The following PCSK5 variants were observed in gnomAD, a reference collection of about 807,000 sequenced individuals.
PCSK5 encodes prohormone convertase 5.
PCSK5 carries 129 observed loss-of-function variants against 233.2 expected under a neutral mutation model. The ratio of observed to expected loss-of-function variants is 0.55; its 90% confidence interval spans 0.48 to 0.64. The LOEUF (loss-of-function observed/expected upper bound fraction) is 0.64, where lower values mean the gene tolerates loss of function less well. Among genes scored for constraint, PCSK5 ranks in the 30% least tolerant of loss-of-function variants. The pLI is 0.00. For missense variants in PCSK5, 2,076 were observed against 2,430.1 expected (o/e 0.85, Z 3.06); for synonymous variants, 825 against 879.2 (o/e 0.94, Z 1.09).
Position 76,010,736 on chromosome 9 carries a change from G to A in PCSK5, c.412-13002G>A, listed in dbSNP as rs568065670. On this transcript the variant is annotated intron_variant, in intron 3 of 37. Coordinates refer to ENST00000674117, the MANE Select transcript of PCSK5 (RefSeq NM_001372043.1). ...TGTTTATGTTAGTTACCCATGAAGA[G>A]CTTACTAATTAGATAGAAAAGACAA... Among the ~76,000 whole-genome samples, 8 of 152,294 alleles carry A rather than the reference G, an allele frequency of 5.3e-5. No individual in the cohort carries two copies. In the South Asian group the frequency reaches 1.7e-3, roughly 32 times the overall value.
rs746839814 is a variant in PCSK5 at position 76,354,062 on chromosome 9, C to G, written c.5097C>G (p.His1699Gln). 1.2e-6 allele frequency: 2 copies of G among 1,609,680 alleles called. No homozygotes were observed. Among genetic ancestry groups the G allele is most frequent in the Admixed American group, 1.7e-5 (1 of 59,542 alleles). The change falls in exon 37 of 38, where the codon CAC becomes CAG. Residue 1699 changes from histidine to glutamine, a missense_variant. Physicochemically the swap from His to Gln is conservative, Grantham distance 24. Around this residue, in one of 6 missense-constraint regions of PCSK5, gnomAD observed 1,510 missense variants for 1,538.1 expected, o/e 0.98. Transcript: ENST00000674117. The stretch of plus-strand genomic sequence containing the variant: ...AGAAGTTTAACTGTGAAAAATGCCA[C>G]GAGAGCTGCATGGAATGCAAGGGAC... Reference protein sequence around the residue: ...EGEKFNCEKCHESCMECKGPG... With the variant: ...EGEKFNCEKCQESCMECKGPG...
At chr9:76,257,372 G>A (rs886798856) in intron 24 of PCSK5, among the ~76,000 whole-genome samples, 3 of 152,184 alleles carry the variant, frequency 2.0e-5, no homozygotes, top group Non-Finnish European at 4.4e-5. Context: ...TAAGACAGGA[G>A]CATCTGCATG....
chr9:76,271,856 T>C (rs1035339526), intron 24 of PCSK5, among the ~76,000 whole-genome samples: 2 of 152,134 alleles, frequency 1.3e-5, no homozygotes, highest in African/African-American at 4.8e-5. Flanking sequence ...GCATTCTTTA[T>C]CTTGCAGCTG....
chr9:76,327,319 C>G (rs1475317319), intron 32 of PCSK5, among the ~76,000 whole-genome samples: 2 of 152,010 alleles, frequency 1.3e-5, no homozygotes, highest in Non-Finnish European at 2.9e-5. Flanking sequence ...GTTGCTCAGG[C>G]TGGTCTCGAA....
chr9:76,053,299 C>T (rs185400732), intron 5 of PCSK5, among the ~76,000 whole-genome samples: 23 of 152,330 alleles, frequency 1.5e-4, no homozygotes, highest in Admixed American at 9.1e-4. Flanking sequence ...AGGGTTCCCC[C>T]GCTGCAGCAA....
At chr9:76,160,381 G>A (rs1299158711) in intron 12 of PCSK5, among the ~76,000 whole-genome samples, 5 of 152,162 alleles carry the variant, frequency 3.3e-5, no homozygotes, top group Admixed American at 6.5e-5. Flanking sequence ...TGTGATCCTC[G>A]TTCTCATGGT....
At chr9:75,907,614 TC>T (rs1826314984) in intron 1 of PCSK5, among the ~76,000 whole-genome samples, 1 of 152,158 alleles carries the variant, frequency 6.6e-6, no homozygotes, top group Non-Finnish European at 1.5e-5. Context: ...CAGCACGCAC[TC>T]CGAGAGGCAA....
At chr9:76,169,631 G>A (rs1438514635) in intron 12 of PCSK5, 73 bp from the exon 13 acceptor site, 5 of 1,455,746 alleles carry the variant, frequency 3.4e-6, no homozygotes, top group Middle Eastern at 1.8e-4. Flanking sequence ...AAAAAACAGT[G>A]TCGATTGTGG....
intron 1 of PCSK5, among the ~76,000 whole-genome samples, chr9:75,904,698 T>A (rs1826186174): frequency 6.6e-6 from 1 of 152,218 alleles, no homozygotes; most frequent in South Asian, 2.1e-4. Context: ...AATGTGCTAA[T>A]GGGAATGTAA....
rs1197729396 is a variant in PCSK5, at chr9:76,238,877, A to T, written c.2867-82A>T. 2.9e-6 allele frequency: 3 copies of T among 1,044,594 alleles called. No individual in the cohort carries two copies. The African/African-American group carries it at 4.8e-5, about 17-fold the overall frequency. The allele number at this position is 1,044,594 out of a possible 1,614,324, so 64.7% of individuals were successfully genotyped here. ...AAAAGCACTCAGTCGCATCTTTTTA[A>T]AATATAATATCTTACATTATAATAG... On this transcript the variant is annotated intron_variant, in intron 22 of 37. Transcript: ENST00000674117.
At chr9:76,263,268 G>C (rs1193614333) in intron 24 of PCSK5, among the ~76,000 whole-genome samples, 1 of 152,116 alleles carries the variant, frequency 6.6e-6, no homozygotes, top group Non-Finnish European at 1.5e-5. Flanking sequence ...CTCAGCCATC[G>C]CATTACTGGG....
intron 3 of PCSK5, among the ~76,000 whole-genome samples, chr9:76,009,277 G>T (rs1827617752): frequency 6.6e-6 from 1 of 151,928 alleles, no homozygotes; most frequent in Admixed American, 6.6e-5. Context: ...CTCAATTTCA[G>T]TTGGACTAAA....
At chr9:76,077,398 G>T (rs1830679264) in intron 7 of PCSK5, among the ~76,000 whole-genome samples, 1 of 152,142 alleles carries the variant, frequency 6.6e-6, no homozygotes, top group Non-Finnish European at 1.5e-5. Flanking sequence ...AACAAGAGGA[G>T]ACTCCTTCTT....
In PCSK5 at chr9:76,321,445, T is replaced by C; in HGVS notation, c.3908T>C (p.Ile1303Thr). The C allele has an allele frequency of 6.2e-7, 1 of 1,604,320 alleles. No homozygotes were observed. ...CPEGSYAEDG[I>T]CERCSSPCRT... is the part of the protein sequence containing the mutation. ...AGGGGCTCTTATGCAGAAGACGGCATATGTGAACGCTGTAGCTCTCCTTGC... is the reference window on the plus strand; with the variant it reads ...AGGGGCTCTTATGCAGAAGACGGCACATGTGAACGCTGTAGCTCTCCTTGC... The change falls in exon 31 of 38, where the codon ATA (isoleucine) becomes ACA (threonine). Residue 1303 changes from isoleucine to threonine, a missense_variant. Ile to Thr is a moderately conservative substitution (Grantham distance 89). Coordinates refer to ENST00000674117, the MANE Select transcript of PCSK5 (RefSeq NM_001372043.1).
intron 7 of PCSK5, among the ~76,000 whole-genome samples, chr9:76,075,414 T>G (rs943106966): frequency 5.3e-5 from 8 of 152,160 alleles, no homozygotes; most frequent in African/African-American, 1.9e-4. Flanking sequence ...GTGTTTGTAG[T>G]CCTGAATTTT....
chr9:76,322,020 G>C (rs1310266668), intron 31 of PCSK5, among the ~76,000 whole-genome samples: 1 of 152,168 alleles, frequency 6.6e-6, no homozygotes, highest in East Asian at 1.9e-4. Flanking sequence ...CTCAATCTCA[G>C]CTCACTGCAA....
At chr9:76,308,617 C>A (rs1828774291) in intron 28 of PCSK5, 28 bp from the exon 29 acceptor site, 8 of 1,345,582 alleles carry the variant, frequency 5.9e-6, no homozygotes, top group Non-Finnish European at 7.5e-6. Flanking sequence ...CAAGGAGAAG[C>A]CTGAACTGTT....
intron 2 of PCSK5, among the ~76,000 whole-genome samples, chr9:75,950,503 C>G (rs2131322493): frequency 6.6e-6 from 1 of 152,246 alleles, no homozygotes; most frequent in East Asian, 1.9e-4. Flanking sequence ...GGCAGAAACT[C>G]TACAAGCCAG....
chr9:75,979,547 TTGTC>T (rs1252497025), intron 2 of PCSK5, among the ~76,000 whole-genome samples: 1 of 152,172 alleles, frequency 6.6e-6, no homozygotes, highest in Non-Finnish European at 1.5e-5. Context: ...GCTTCTTTCT[TTGTC>T]TGTCCACTGG....
Sources: gnomAD v4.1 joint callset for allele counts (sites outside exome capture counted in the v4.1 genomes callset) on GRCh38, gnomAD v4.1.1 for gene constraint, gnomAD v4.1.1 regional missense constraint, MANE v1.5 for transcripts, NCBI Gene and HGNC (gene_info 2026-07-23, HGNC 2026-07-21) for gene names.